SPG11: variants seen among roughly 807,000 people sequenced by gnomAD.
The protein encoded by SPG11 is SPG11 vesicle trafficking associated, spatacsin.
In SPG11, 222 loss-of-function variants were observed where a neutral mutation model predicts 274.0. That is an observed-to-expected ratio of 0.81 (90% CI 0.73 to 0.91). SPG11 has a LOEUF of 0.91. Among genes scored for constraint, SPG11 ranks in the 40% least tolerant of loss-of-function variants. The pLI is 0.00. For missense variants in SPG11, 3,114 were observed against 2,872.7 expected (o/e 1.08, Z -1.92); for synonymous variants, 1,144 against 1,039.7 (o/e 1.10, Z -1.93).
rs775858471 is a variant in SPG11, at chr15:44,572,751, T to C, written c.6275A>G (p.Asp2092Gly). The C allele has an allele frequency of 6.2e-7, 1 of 1,614,006 alleles. No homozygotes were observed. The highest frequency in any genetic ancestry group is 8.5e-7 in the Non-Finnish European group (1 of 1,179,930). ...CAACTTCATGCCTACCAATGTGCGG[T>C]CTTGACACAGAGTGGTCAGCTGAAG... is the stretch of plus-strand genomic sequence containing the variant. Reference protein sequence around the residue: ...TFLQLTTLCQDRTLVGMKLLD... With the variant: ...TFLQLTTLCQGRTLVGMKLLD... Residue 2092 changes from aspartate to glycine, a missense_variant, in exon 33 of 40, where the codon GAC (aspartate) becomes GGC (glycine). Physicochemically the swap from Asp to Gly is moderately conservative, Grantham distance 94 (BLOSUM62 -1). Coordinates refer to ENST00000261866, the MANE Select transcript of SPG11 (RefSeq NM_025137.4).
rs750807205 is a variant in SPG11, at chr15:44,651,477, C to A, written c.1456+14G>T. The A allele has an allele frequency of 6.2e-7, 1 of 1,607,680 alleles. No individual in the cohort carries two copies. The highest frequency in any genetic ancestry group is 8.5e-7 in the Non-Finnish European group (1 of 1,174,302). ...CTCAGCAATGGATTTCAATCTAATA[C>A]AAGACAGTCTCACCTGTCAAAACAA... On this transcript the variant is annotated intron_variant, in intron 6 of 39. Coordinates refer to ENST00000261866, the MANE Select transcript of SPG11 (RefSeq NM_025137.4).
In SPG11 at chr15:44,589,421, A is replaced by G. The variant is rs1179242305; in HGVS notation, c.4744-7T>C. 64 of 1,613,910 alleles carry G rather than the reference A, an allele frequency of 4.0e-5. No individual in the cohort carries two copies. The highest frequency in any genetic ancestry group is 5.2e-5 in the Non-Finnish European group (61 of 1,179,890). ...TTGTGGCTGCTGTGTTAAGCTATGA[A>G]AGAAAAAGAGAAGCTTAGGGAAAGC... is the stretch of plus-strand genomic sequence containing the variant. On this transcript the variant is annotated splice_polypyrimidine_tract_variant and splice_region_variant and intron_variant, in intron 27 of 39. Transcript: ENST00000261866.
chr15:44,563,218 T>C lies in SPG11; in HGVS notation c.7235A>G (p.Tyr2412Cys). The C allele has an allele frequency of 3.1e-6, 5 of 1,614,120 alleles. No homozygotes were observed. Among genetic ancestry groups the C allele is most frequent in the Non-Finnish European group, 4.2e-6 (5 of 1,179,930 alleles). Residue 2412 changes from tyrosine (Y) to cysteine (C), a missense_variant, in exon 40 of 40, where the codon TAC becomes TGC. Transcript: ENST00000261866. Reference sequence around the variant, plus strand: ...AAACTTGTGTTCGTATGCCAACTTGTAATACAGGTAAACATCTTCACAATA... The same window carrying C: ...AAACTTGTGTTCGTATGCCAACTTGCAATACAGGTAAACATCTTCACAATA... ...LTYCEDVYLY[Y>C]KLAYEHKFYE...
chr15:44,642,526 T>C (rs2084484275), intron 7 of SPG11, among the ~76,000 whole-genome samples: 1 of 151,620 alleles, frequency 6.6e-6, no homozygotes, highest in Admixed American at 6.6e-5. Context: ...TGGGGATACA[T>C]TTATATGCAG....
rs187085388 is a variant in SPG11 at position 44,654,318 on chromosome 15, C to T, written c.870-2052G>A. Among the ~76,000 whole-genome samples the T allele has an allele frequency of 1.9e-4, 29 of 151,978 alleles. No individual in the cohort carries two copies. In the East Asian group the frequency reaches 4.3e-3, roughly 22 times the overall value. On this transcript the variant is annotated intron_variant, in intron 4 of 39. Transcript: ENST00000261866. ...TGAGGTCAGGCGTTCAAGACCAGCC[C>T]GGCCAACATGGCGAAACCGTTTCTA... is the stretch of plus-strand genomic sequence containing the variant.
intron 17 of SPG11, among the ~76,000 whole-genome samples, chr15:44,611,729 G>A (rs902609808): frequency 3.3e-5 from 5 of 151,244 alleles, no homozygotes; most frequent in African/African-American, 7.3e-5. Flanking sequence ...CCTCATTGTC[G>A]GAAAATGAGA....
chr15:44,593,899 G>A (rs533732064), intron 26 of SPG11, among the ~76,000 whole-genome samples: 67 of 150,460 alleles, frequency 4.5e-4, no homozygotes, highest in African/African-American at 1.6e-3. Flanking sequence ...GTTTACAGGT[G>A]CATCCTGCCA....
chr15:44,592,597 T>A (rs1363564898), intron 26 of SPG11, among the ~76,000 whole-genome samples, 159 bp from the exon 27 acceptor site: 2 of 152,044 alleles, frequency 1.3e-5, no homozygotes, highest in African/African-American at 4.8e-5. Context: ...GCCAGTGGGA[T>A]CACCTAAGGC....
At chr15:44,601,109 G>A (rs573360743) in intron 20 of SPG11, among the ~76,000 whole-genome samples, 3 of 152,076 alleles carry the variant, frequency 2.0e-5, no homozygotes, top group Admixed American at 6.6e-5. Context: ...CCAAGATCGC[G>A]CCATTGCACT....
intron 24 of SPG11, 93 bp downstream of exon 24, chr15:44,596,680 AAAAAAAAAAAG>A (rs1424232900): frequency 4.0e-6 from 3 of 756,696 alleles, no homozygotes; most frequent in Non-Finnish European, 5.9e-6. Context: ...AAAAAAAAAA[AAAAAAAAAAAG>A]GCCTATGTCA....
chr15:44,592,543 G>A (rs1290713449), intron 26 of SPG11, 105 bp from the exon 27 acceptor site: 2 of 754,958 alleles, frequency 2.6e-6, no homozygotes, highest in Non-Finnish European at 2.3e-6. Context: ...ATAAGGCAGG[G>A]CACAGTGGCT....
chr15:44,655,577 CTTAACA>C (rs2084916933), intron 4 of SPG11, among the ~76,000 whole-genome samples: 2 of 152,132 alleles, frequency 1.3e-5, no homozygotes, highest in Non-Finnish European at 2.9e-5. Flanking sequence ...TTAAAATTTT[CTTAACA>C]TTTTCTTTTC....
chr15:44,645,954 G>A (rs1210130597), intron 7 of SPG11, among the ~76,000 whole-genome samples: 1 of 152,120 alleles, frequency 6.6e-6, no homozygotes, highest in African/African-American at 2.4e-5. Context: ...CAGTCAGAAT[G>A]GCTATTATGA....
At chr15:44,585,587 G>GC (rs1343111247) in intron 29 of SPG11, 49 bp downstream of exon 29, 10 of 1,480,662 alleles carry the variant, frequency 6.8e-6, no homozygotes, top group Admixed American at 3.6e-5. Flanking sequence ...GGGTGACAGA[G>GC]CAAGACCCCG....
chr15:44,586,649 GA>G (rs948746544), intron 28 of SPG11, among the ~76,000 whole-genome samples: 1 of 146,402 alleles, frequency 6.8e-6, no homozygotes, highest in Non-Finnish European at 1.5e-5. Context: ...GTCTCAAAAA[GA>G]AAAAAAAAAC....
intron 30 of SPG11, among the ~76,000 whole-genome samples, chr15:44,582,911 C>G (rs1412887588): frequency 1.3e-5 from 2 of 152,124 alleles, no homozygotes; most frequent in Admixed American, 6.6e-5. Context: ...ACAGCTAATA[C>G]CATACTTAAA....
Position 44,628,738 on chromosome 15 carries a change from A to G in SPG11, c.1998T>C (p.Asp666=), listed in dbSNP as rs1288276760. ...GGACATTTTCATGTACATCATATTCATCTATAGCATCTGTTAGCTTCCAAG... is the reference window on the plus strand; with the variant it reads ...GGACATTTTCATGTACATCATATTCGTCTATAGCATCTGTTAGCTTCCAAG... ...KFPWKLTDAI[D]EYDVHENVPK... is the part of the protein sequence containing the mutation. Residue 666 remains aspartate (D), a synonymous_variant, in exon 10 of 40, where the codon GAT becomes GAC. Transcript: ENST00000261866. 1.9e-6 allele frequency: 3 copies of G among 1,613,586 alleles called. No individual in the cohort carries two copies. Among genetic ancestry groups the G allele is most frequent in the African/African-American group, 1.3e-5 (1 of 74,912 alleles).
At chr15:44,615,652 A>C in intron 15 of SPG11, 86 bp from the exon 16 acceptor site, 1 of 1,157,546 alleles carries the variant, frequency 8.6e-7, no homozygotes, top group Admixed American at 1.8e-5. Context: ...GGTCTCAATT[A>C]CTTAAAAATA....
intron 16 of SPG11, 101 bp from the exon 17 acceptor site, chr15:44,613,637 T>C: frequency 1.3e-6 from 1 of 745,688 alleles, no homozygotes; most frequent in Non-Finnish European, 2.3e-6. Flanking sequence ...AAAAAGAATC[T>C]TGGAATTAAA....
Sources: allele counts gnomAD v4.1 joint callset (sites outside exome capture counted in the v4.1 genomes callset), GRCh38; gene constraint gnomAD v4.1.1; transcripts MANE v1.5; gene names NCBI Gene and HGNC (gene_info 2026-07-23, HGNC 2026-07-21).